NBPF26: variants seen among roughly 807,000 people sequenced by gnomAD.
NBPF26 encodes the protein NBPF member 26, also known as NBPF family member NBPF26.
NBPF26 carries 79 observed loss-of-function variants against 119.6 expected under a neutral mutation model. The observed-to-expected ratio is 0.66, with a 90% confidence interval of 0.55 to 0.80. NBPF26 has a LOEUF of 0.80. Among genes scored for constraint, NBPF26 ranks in the 30% least tolerant of loss-of-function variants. NBPF26 has a pLI of 0.00. For missense variants in NBPF26, 800 were observed against 1,198.2 expected (o/e 0.67, Z 4.91); for synonymous variants, 299 against 457.7 (o/e 0.65, Z 4.43).
In NBPF26 at chr1:120,750,472, A is replaced by G. The variant is rs1651010801; in HGVS notation, c.74-13156A>G. On this transcript the variant is annotated intron_variant, in intron 1 of 29. Coordinates refer to ENST00000620612, the Ensembl canonical transcript of NBPF26. ...AAATCCCTGCCTATTAGAAGCTGAG[A>G]TGTTAATCCTAAATATATTCTGTGG... 1.9e-5 allele frequency among the ~76,000 whole-genome samples: 2 copies of G among 106,090 alleles called. 1 individual carries two copies. The highest frequency in any genetic ancestry group is 1.9e-4 in the Admixed American group (2 of 10,728). 69.6% of individuals were successfully genotyped at this position (106,090 alleles called of 152,430 possible).
chr1:120,724,817 G>A (rs1390181620), intron 1 of NBPF26, among the ~76,000 whole-genome samples: 1 of 94,500 alleles, frequency 1.1e-5, no homozygotes, highest in Non-Finnish European at 2.0e-5. Context: ...CAACCCCACC[G>A]AAAGTCCGGG....
intron 14 of NBPF26, 79 bp downstream of exon 14, chr1:120,816,906 C>T: frequency 2.1e-6 from 3 of 1,410,034 alleles, no homozygotes; most frequent in Non-Finnish European, 2.9e-6. Flanking sequence ...TCTATAAACA[C>T]AAATTCATTT....
At chr1:120,798,633 T>TC (rs1557986255) in intron 4 of NBPF26, among the ~76,000 whole-genome samples, 1 of 34,132 alleles carries the variant, frequency 2.9e-5, no homozygotes, top group African/African-American at 1.3e-4. Context: ...TCTTTTCTTT[T>TC]TTTTTTTTTT....
chr1:120,767,994 T>C (rs1651212006), intron 2 of NBPF26, among the ~76,000 whole-genome samples: 1 of 115,334 alleles, frequency 8.7e-6, no homozygotes. Context: ...TTCCCTTTAC[T>C]TTACACATGT....
At chr1:120,810,062 A>G (rs1311987140) in intron 8 of NBPF26, among the ~76,000 whole-genome samples, 179 bp downstream of exon 8, 4 of 131,700 alleles carry the variant, frequency 3.0e-5, no homozygotes, top group African/African-American at 1.1e-4. Context: ...TATGTGTGCC[A>G]AGTGTCATGT....
chr1:120,808,371 G>A (rs1406537441), intron 6 of NBPF26, among the ~76,000 whole-genome samples, 174 bp from the exon 7 acceptor site: 2 of 119,454 alleles, frequency 1.7e-5, no homozygotes, highest in East Asian at 4.1e-4. Context: ...TACAGAGGAA[G>A]CCTGTAAACC....
At chr1:120,724,022 C>T in exon 1 of NBPF26, 1 of 1,242,072 alleles carries the variant, frequency 8.1e-7, no homozygotes, top group Non-Finnish European at 1.0e-6. Flanking sequence ...GGCATTTGCA[C>T]CTGGGCTTCG....
rs1208084414 is a variant in NBPF26, at chr1:120,768,064, C to T, written c.155+4355C>T. Among the ~76,000 whole-genome samples, 2 of 101,490 alleles carry T rather than the reference C, an allele frequency of 2.0e-5. 1 individual carries two copies. The highest frequency in any genetic ancestry group is 1.3e-4 in the African/African-American group (2 of 15,426). 66.6% of individuals were successfully genotyped at this position (101,490 alleles called of 152,430 possible). On this transcript the variant is annotated intron_variant, in intron 2 of 29. Coordinates refer to ENST00000620612, the Ensembl canonical transcript of NBPF26. ...GTGATAGATTTTAAAGTTTATCTCC[C>T]ACTAAAGAATGTTGAATTTTGTCAA...
In NBPF26 at chr1:120,778,610, T is replaced by A. The variant is rs1456235597; in HGVS notation, c.156-6364T>A. ...TTTTTGAATGGCCAAATCCTCGTTT[T>A]AAAAAAAAAAAAAAAAAAAAAAGCT... On this transcript the variant is annotated intron_variant, in intron 2 of 29. Transcript: ENST00000620612. Among the ~76,000 whole-genome samples, 12 of 37,922 alleles carry A rather than the reference T, an allele frequency of 3.2e-4. 1 individual carries two copies. The highest frequency in any genetic ancestry group is 6.3e-4 in the Admixed American group (2 of 3,162). 24.9% of individuals were successfully genotyped at this position (37,922 alleles called of 152,430 possible).
At chr1:120,752,567 TTTTTTTTC>T (rs1651035047) in intron 1 of NBPF26, among the ~76,000 whole-genome samples, 1 of 29,492 alleles carries the variant, frequency 3.4e-5, no homozygotes, top group Non-Finnish European at 5.5e-5. Context: ...TTTTTTTTTT[TTTTTTTTC>T]TTTTTTTTTT....
At position 120,805,834 on chromosome 1, in the gene NBPF26, T is replaced by C; in HGVS notation, c.961+69T>C. 5.2e-6 allele frequency: 6 copies of C among 1,163,818 alleles called. 2 individuals carry two copies. Among genetic ancestry groups the C allele is most frequent in the African/African-American group, 5.2e-5 (2 of 38,546 alleles). 72.1% of individuals were successfully genotyped at this position (1,163,818 alleles called of 1,614,324 possible). A position where few individuals can be genotyped will look rare whatever the true frequency, so the allele number is the denominator to read the frequency against. Reference sequence around the variant, plus strand: ...CCTGTCTTCTCTCTGAGACACTAAATGCTCTCTCCATCAAAAAGAATTTCA... The same window carrying C: ...CCTGTCTTCTCTCTGAGACACTAAACGCTCTCTCCATCAAAAAGAATTTCA... On this transcript the variant is annotated intron_variant, in intron 5 of 29. Transcript: ENST00000620612.
rs1652495076 is a variant in NBPF26, at chr1:120,840,547, C to G, written c.4301C>G (p.Thr1434Arg). 27 of 1,467,752 alleles carry G rather than the reference C, an allele frequency of 1.8e-5. 3 individuals carry two copies. The highest frequency in any genetic ancestry group is 9.0e-5 in the East Asian group (4 of 44,394). 90.9% of individuals were successfully genotyped at this position (1,467,752 alleles called of 1,614,324 possible). A position where few individuals can be genotyped will look rare whatever the true frequency, so the allele number is the denominator to read the frequency against. ...AATAGGTTTTTTACTTTGACGGTGA[C>G]AAGTCTCCACCTGGTGTTCCAGATG... Residue 1434 changes from threonine to arginine, a missense_variant, in exon 30 of 30, where the codon ACA (threonine) becomes AGA (arginine). Thr to Arg is a moderately conservative substitution (Grantham distance 71, BLOSUM62 -1). Transcript: ENST00000620612.
intron 3 of NBPF26, among the ~76,000 whole-genome samples, chr1:120,792,614 G>A (rs1335755701): frequency 9.3e-6 from 1 of 108,008 alleles, no homozygotes; most frequent in Non-Finnish European, 1.8e-5. Context: ...TGATTCTTCT[G>A]CCTCAGCCTT....
Position 120,724,483 on chromosome 1 carries a change from C to T in NBPF26, c.73+233C>T, listed in dbSNP as rs1176926436. On this transcript the variant is annotated intron_variant, in intron 1 of 29. Transcript: ENST00000620612. ...CTGCTCCCCGCGGCCCGGGACCCCTCACACGCCTCCTCGGCAGGAGGGAGG... is the reference window on the plus strand; with the variant it reads ...CTGCTCCCCGCGGCCCGGGACCCCTTACACGCCTCCTCGGCAGGAGGGAGG... 1.4e-4 allele frequency among the ~76,000 whole-genome samples: 17 copies of T among 121,340 alleles called. 1 individual carries two copies. Among genetic ancestry groups the T allele is most frequent in the Admixed American group, 2.3e-4 (3 of 13,038 alleles). 79.6% of individuals were successfully genotyped at this position (121,340 alleles called of 152,430 possible).
In NBPF26 at chr1:120,803,451, A is replaced by AT. The variant is rs1191205989; in HGVS notation, c.752-2104dup. 1.7e-3 allele frequency among the ~76,000 whole-genome samples: 207 copies of AT among 125,358 alleles called. 17 individuals are homozygous for AT. Among genetic ancestry groups the AT allele is most frequent in the African/African-American group, 7.3e-3 (198 of 27,094 alleles). 82.2% of individuals were successfully genotyped at this position (125,358 alleles called of 152,430 possible). On this transcript the variant is annotated intron_variant, in intron 4 of 29. Transcript: ENST00000620612. ...CAAAGTTCCAGGGAAATTCCAGGTGATAGAGGTTATTTCCCATACTGTTAA... is the reference window on the plus strand; with the variant it reads ...CAAAGTTCCAGGGAAATTCCAGGTGATTAGAGGTTATTTCCCATACTGTTAA...
chr1:120,768,013 T>C (rs1377277328), intron 2 of NBPF26, among the ~76,000 whole-genome samples: 1 of 112,466 alleles, frequency 8.9e-6, no homozygotes, highest in East Asian at 2.2e-4. Flanking sequence ...GTATGGTAGT[T>C]TTACATTACT....
At chr1:120,840,211 T>G in intron 29 of NBPF26, 139 bp from the exon 36 acceptor site, 1 of 1,260,184 alleles carries the variant, frequency 7.9e-7, no homozygotes. Context: ...ATAAAGGCAA[T>G]AAATTTTTTT....
intron 4 of NBPF26, among the ~76,000 whole-genome samples, chr1:120,805,028 G>T (rs1313175604): frequency 8.3e-6 from 1 of 119,906 alleles, no homozygotes; most frequent in Non-Finnish European, 1.7e-5. Flanking sequence ...TAACCTGTTG[G>T]GAAACTGTTT....
chr1:120,788,015 G>T (rs1269886916), intron 3 of NBPF26, among the ~76,000 whole-genome samples: 7 of 40,540 alleles, frequency 1.7e-4, no homozygotes, highest in Non-Finnish European at 2.9e-4. Context: ...CACCTCAGCA[G>T]GTTGTGTTTT....
Sources: allele counts gnomAD v4.1 joint callset (sites outside exome capture counted in the v4.1 genomes callset), GRCh38; gene constraint gnomAD v4.1.1; transcripts MANE v1.5; gene names NCBI Gene and HGNC (gene_info 2026-07-23, HGNC 2026-07-21).